The following DCC variants were observed in gnomAD, a reference collection of about 807,000 sequenced individuals.
DCC encodes the protein netrin receptor DCC.
DCC carries 58 observed loss-of-function variants against 172.5 expected under a neutral mutation model. That is an observed-to-expected ratio of 0.34 (90% confidence interval 0.27 to 0.42). DCC has a LOEUF of 0.42. Among genes scored for constraint, DCC ranks in the 10% least tolerant of loss-of-function variants. The pLI is 1.00. For missense variants in DCC, 1,740 were observed against 1,791.0 expected (o/e 0.97, Z 0.51); for synonymous variants, 709 against 644.5 (o/e 1.10, Z -1.52).
At chr18:53,025,787 A>G (rs2041946774) in intron 5 of DCC, among the ~76,000 whole-genome samples, 1 of 129,468 alleles carries the variant, frequency 7.7e-6, no homozygotes, top group Non-Finnish European at 1.6e-5. Context: ...AATGGGCAAA[A>G]ACTATGATAC....
chr18:52,968,854 A>G (rs1267924502), intron 5 of DCC, among the ~76,000 whole-genome samples: 1 of 148,538 alleles, frequency 6.7e-6, no homozygotes, highest in Admixed American at 6.6e-5. Flanking sequence ...GTGATATACT[A>G]AAAAATATTT....
chr18:53,381,558 C>T (rs1447252138), intron 15 of DCC, among the ~76,000 whole-genome samples: 3 of 56,810 alleles, frequency 5.3e-5, no homozygotes, highest in Admixed American at 5.4e-4. Flanking sequence ...TATTTACCCC[C>T]CACCCCCCCC....
chr18:52,965,187 A>G (rs1446402719), intron 5 of DCC: 4 of 152,210 alleles, frequency 2.6e-5, no homozygotes, highest in Admixed American at 2.0e-4. Flanking sequence ...GAGGGTCATT[A>G]TTCAGGCTAT....
intron 1 of DCC, among the ~76,000 whole-genome samples, chr18:52,487,453 G>A (rs1403444498): frequency 1.3e-5 from 2 of 152,094 alleles, no homozygotes; most frequent in East Asian, 3.9e-4. Context: ...CTGGGATGCT[G>A]TGATTAACAA....
chr18:52,386,451 T>C (rs1985803540), intron 1 of DCC, among the ~76,000 whole-genome samples: 1 of 152,106 alleles, frequency 6.6e-6, no homozygotes, highest in Non-Finnish European at 1.5e-5. Context: ...ATGTTTTTTC[T>C]TGAGTAATAT....
chr18:52,820,522 G>A (rs1347831843), intron 2 of DCC, among the ~76,000 whole-genome samples: 1 of 151,990 alleles, frequency 6.6e-6, no homozygotes, highest in African/African-American at 2.4e-5. Flanking sequence ...GAGCTCGTGG[G>A]TCCATCCAAA....
At chr18:52,607,984 T>C (rs1338786307) in intron 1 of DCC, among the ~76,000 whole-genome samples, 1 of 152,162 alleles carries the variant, frequency 6.6e-6, no homozygotes. Context: ...GGAATGATAG[T>C]GACTTGCAAC....
At chr18:52,994,922 T>C (rs1599010234) in intron 5 of DCC, among the ~76,000 whole-genome samples, 2 of 152,172 alleles carry the variant, frequency 1.3e-5, no homozygotes, top group South Asian at 2.1e-4. Flanking sequence ...GTAATAGTCA[T>C]GCCAATAACA....
chr18:52,662,384 A>T (rs1233515371), intron 1 of DCC, among the ~76,000 whole-genome samples: 4 of 152,114 alleles, frequency 2.6e-5, no homozygotes, highest in Non-Finnish European at 5.9e-5. Context: ...CTGGAATGAA[A>T]GGACCCAGGT....
At chr18:53,341,080 G>T (rs1232826719) in intron 15 of DCC, among the ~76,000 whole-genome samples, 1 of 152,152 alleles carries the variant, frequency 6.6e-6, no homozygotes, top group African/African-American at 2.4e-5. Flanking sequence ...CTTTCCATCA[G>T]TTCCTGAGTT....
At chr18:52,726,945 C>T (rs1337360804) in intron 1 of DCC, among the ~76,000 whole-genome samples, 1 of 152,160 alleles carries the variant, frequency 6.6e-6, no homozygotes, top group Non-Finnish European at 1.5e-5. Flanking sequence ...AAGAAAGCTG[C>T]CAGCTTTGGA....
chr18:52,655,958 G>GTA (rs1294296486), intron 1 of DCC, among the ~76,000 whole-genome samples: 2 of 23,614 alleles, frequency 8.5e-5, no homozygotes, highest in African/African-American at 1.8e-4. Context: ...AAATATATAT[G>GTA]TGTGTGTGTG....
intron 1 of DCC, among the ~76,000 whole-genome samples, chr18:52,600,666 T>C (rs1366275746): frequency 1.3e-5 from 2 of 152,204 alleles, no homozygotes; most frequent in African/African-American, 4.8e-5. Flanking sequence ...TGGATCTTCT[T>C]TAATCACTTT....
At chr18:52,581,768 CTT>C (rs1287402056) in intron 1 of DCC, among the ~76,000 whole-genome samples, 3 of 152,132 alleles carry the variant, frequency 2.0e-5, no homozygotes, top group Admixed American at 1.3e-4. Flanking sequence ...CTGAGTTAAA[CTT>C]TGCAAATTAT....
chr18:52,682,827 G>T (rs2035771781), intron 1 of DCC, among the ~76,000 whole-genome samples: 2 of 152,064 alleles, frequency 1.3e-5, no homozygotes, highest in South Asian at 4.1e-4. Flanking sequence ...AAAATCTAAG[G>T]GAAGTGGGCC....
chr18:53,090,925 C>A (rs73465158), intron 7 of DCC, among the ~76,000 whole-genome samples: 1 of 151,730 alleles, frequency 6.6e-6, no homozygotes, highest in African/African-American at 2.4e-5. Flanking sequence ...TCTATAGAAG[C>A]ATGTGTCCTG....
At chr18:52,613,417 G>A (rs879456265) in intron 1 of DCC, among the ~76,000 whole-genome samples, 37 of 151,854 alleles carry the variant, frequency 2.4e-4, no homozygotes, top group Middle Eastern at 6.8e-3. Flanking sequence ...CACCACGCCC[G>A]GCTAATTTTT....
intron 15 of DCC, among the ~76,000 whole-genome samples, chr18:53,364,236 C>T (rs1046392443): frequency 1.3e-5 from 2 of 151,978 alleles, no homozygotes; most frequent in Non-Finnish European, 2.9e-5. Context: ...ATTTCCACAC[C>T]GTCAAATTAG....
At chr18:52,752,665 G>A (rs1406481315) in intron 2 of DCC, among the ~76,000 whole-genome samples, 13 of 152,012 alleles carry the variant, frequency 8.6e-5, no homozygotes, top group Admixed American at 7.9e-4. Flanking sequence ...TGATATATAC[G>A]TTGCTGTGCA....
Sources: allele counts gnomAD v4.1 joint callset (sites outside exome capture counted in the v4.1 genomes callset), GRCh38; gene constraint gnomAD v4.1.1; transcripts MANE v1.5; gene names NCBI Gene and HGNC (gene_info 2026-07-23, HGNC 2026-07-21).